The following MAP3K13 variants were observed in gnomAD, a reference collection of about 807,000 sequenced individuals.
MAP3K13 encodes leucine zipper-bearing kinase.
In MAP3K13, 52 loss-of-function variants were observed where a neutral mutation model predicts 104.0. That is an observed-to-expected ratio of 0.50 (90% CI 0.40 to 0.63). The LOEUF (loss-of-function observed/expected upper bound fraction) is 0.63, where lower values mean the gene tolerates loss of function less well. Ranked by LOEUF, MAP3K13 falls within the 20% of genes least tolerant of loss-of-function variation. The pLI is 0.00. For missense variants in MAP3K13, 914 were observed against 1,218.5 expected, an observed-to-expected ratio of 0.75 and a Z score of 3.72; for synonymous variants, 394 against 442.2, an observed-to-expected ratio of 0.89 and a Z score of 1.37.
intron 11 of MAP3K13, among the ~76,000 whole-genome samples, chr3:185,474,382 GA>G (rs1407454543): frequency 6.6e-6 from 1 of 152,032 alleles, no homozygotes; most frequent in Non-Finnish European, 1.5e-5. Context: ...AAATAGTTTG[GA>G]AACTACTATG....
At chr3:185,321,625 A>G (rs1249092215) in intron 2 of MAP3K13, among the ~76,000 whole-genome samples, 1 of 152,044 alleles carries the variant, frequency 6.6e-6, no homozygotes, top group Admixed American at 6.5e-5. Flanking sequence ...TTTGTTTGAG[A>G]TGGAGTCTCA....
intron 13 of MAP3K13, among the ~76,000 whole-genome samples, chr3:185,481,564 A>C (rs1718458318): frequency 6.6e-6 from 1 of 152,128 alleles, no homozygotes; most frequent in South Asian, 2.1e-4. Context: ...ATGCCATCAT[A>C]GGACATATAG....
chr3:185,323,051 GTCTA>G lies in MAP3K13; in HGVS notation c.-86+37414_-86+37417del, dbSNP rs10575754. On this transcript the variant is annotated intron_variant, in intron 2 of 14. Transcript: ENST00000424227. ...AAAATGTTTGTTTATTGGGAAAAAA[GTCTA>G]TCTATTGTTTTAATAAACTTTTTGT... is the stretch of plus-strand genomic sequence containing the variant. Among the ~76,000 whole-genome samples the G allele has an allele frequency of 7.3e-3, 1,105 of 152,176 alleles. 7 individuals carry two copies. The highest frequency in any genetic ancestry group is 0.019 in the African/African-American group (774 of 41,516).
At chr3:185,354,610 G>GC (rs1289416027) in intron 2 of MAP3K13, among the ~76,000 whole-genome samples, 1 of 14,234 alleles carries the variant, frequency 7.0e-5, no homozygotes, top group African/African-American at 1.1e-4. Context: ...TATAAGTATG[G>GC]GGGGGGGGCA....
intron 3 of MAP3K13, among the ~76,000 whole-genome samples, chr3:185,441,401 T>C (rs963014918): frequency 5.9e-5 from 9 of 152,046 alleles, no homozygotes; most frequent in Non-Finnish European, 1.0e-4. Flanking sequence ...CTCTAGGCGT[T>C]GAGGTAGAGA....
At chr3:185,469,026 A>T (rs1009045609) in intron 10 of MAP3K13, among the ~76,000 whole-genome samples, 3 of 152,216 alleles carry the variant, frequency 2.0e-5, no homozygotes, top group Non-Finnish European at 1.5e-5. Flanking sequence ...TTAGTCAATG[A>T]GCTAGCTGAA....
intron 11 of MAP3K13, among the ~76,000 whole-genome samples, chr3:185,474,800 T>G (rs1718015616): frequency 6.6e-6 from 1 of 152,108 alleles, no homozygotes; most frequent in Non-Finnish European, 1.5e-5. Flanking sequence ...GACCTTACTT[T>G]AAAGCCAGGC....
chr3:185,371,454 A>T (rs945975819), intron 1 of MAP3K13, among the ~76,000 whole-genome samples: 3 of 152,260 alleles, frequency 2.0e-5, no homozygotes, highest in African/African-American at 7.2e-5. Context: ...AAAAATTTTC[A>T]GGAAAAACAA....
At position 185,417,842 on chromosome 3, in the gene MAP3K13, C is replaced by T. The variant is rs1465433303; in HGVS notation, c.-85-10655C>T. 18 of 1,608,146 alleles carry T rather than the reference C, an allele frequency of 1.1e-5. No individual in the cohort carries two copies. In the African/African-American group the frequency reaches 2.3e-4, roughly 20 times the overall value. On this transcript the variant is annotated intron_variant, in intron 1 of 13. Coordinates refer to ENST00000265026, the MANE Select transcript of MAP3K13 (RefSeq NM_004721.5). ...TTTTTCAGTGGGTTCTTCTTTAGGA[C>T]TCTGCGATGAATCTTCTTGCGTGGT...
chr3:185,377,696 C>T (rs979793358), intron 1 of MAP3K13, among the ~76,000 whole-genome samples: 3 of 152,132 alleles, frequency 2.0e-5, no homozygotes, highest in African/African-American at 7.2e-5. Flanking sequence ...GAGTAGGTAG[C>T]CTCCGTATTG....
At chr3:185,448,388 A>T (rs1715706828) in intron 5 of MAP3K13, among the ~76,000 whole-genome samples, 1 of 152,168 alleles carries the variant, frequency 6.6e-6, no homozygotes, top group Admixed American at 6.5e-5. Context: ...CATGTTTGAG[A>T]TGTAGGAGGT....
Position 185,330,046 on chromosome 3 carries a change from ATTTTTTTTTTTTT to A in MAP3K13, c.-86+44427_-86+44439del, listed in dbSNP as rs548813356. The stretch of plus-strand genomic sequence containing the variant: ...AGGCGCCCGCCACCATGCCTGGCTA[ATTTTTTTTTTTTT>A]TTTTTTTTTTTTTTTTTTTTTTTAG... On this transcript the variant is annotated intron_variant, in intron 2 of 14. Coordinates refer to the MAP3K13 transcript ENST00000424227. 4.3e-3 allele frequency among the ~76,000 whole-genome samples: 422 copies of A among 98,274 alleles called. 21 individuals carry two copies. The highest frequency in any genetic ancestry group is 0.025 in the East Asian group (80 of 3,230). The allele number at this position is 98,274 out of a possible 152,430, so 64.5% of individuals were successfully genotyped here. A position where few individuals can be genotyped will look rare whatever the true frequency, so the allele number is the denominator to read the frequency against.
chr3:185,455,048 G>C (rs1227137567), intron 7 of MAP3K13, among the ~76,000 whole-genome samples: 6 of 87,172 alleles, frequency 6.9e-5, no homozygotes, highest in African/African-American at 2.1e-4. Flanking sequence ...ATATATATAT[G>C]AGATATATGT....
At chr3:185,447,368 G>A (rs1715646281) in intron 4 of MAP3K13, among the ~76,000 whole-genome samples, 1 of 151,652 alleles carries the variant, frequency 6.6e-6, no homozygotes, top group African/African-American at 2.4e-5. Context: ...GCAGGTGCCT[G>A]TAATTGCAGC....
rs185398541 is a variant in MAP3K13, at chr3:185,465,787, G to C, written c.1429G>C (p.Glu477Gln). 1.6e-5 allele frequency: 26 copies of C among 1,614,116 alleles called. No individual in the cohort carries two copies. In the Admixed American group the frequency reaches 3.7e-4, roughly 23 times the overall value. Residue 477 changes from glutamate to glutamine, a missense_variant, in exon 9 of 14, where the codon GAG becomes CAG. This residue lies in a region of MAP3K13 where 583 missense variants were observed against 737.4 expected (regional missense o/e 0.79). Transcript: ENST00000265026. Reference protein sequence around the residue: ...DIREHYERKLERANNLYMELS... With the variant: ...DIREHYERKLQRANNLYMELS... ...TCGTGAACACTATGAGCGGAAGCTTGAGCGGGCGAATAATTTATACATGGA... is the reference window on the plus strand; with the variant it reads ...TCGTGAACACTATGAGCGGAAGCTTCAGCGGGCGAATAATTTATACATGGA...
At chr3:185,437,757 T>C (rs1396675071) in intron 3 of MAP3K13, 127 bp downstream of exon 3, 1 of 859,926 alleles carries the variant, frequency 1.2e-6, no homozygotes, top group East Asian at 2.7e-5. Context: ...CTAGGTGCTT[T>C]GGGAGGGTAT....
At chr3:185,332,852 G>T (rs1229845041) in intron 2 of MAP3K13, among the ~76,000 whole-genome samples, 1 of 152,200 alleles carries the variant, frequency 6.6e-6, no homozygotes, top group African/African-American at 2.4e-5. Context: ...CTGTGAACAT[G>T]GATGTGCAGA....
At chr3:185,313,322 T>A (rs887303253) in intron 2 of MAP3K13, among the ~76,000 whole-genome samples, 1 of 145,984 alleles carries the variant, frequency 6.9e-6, no homozygotes, top group South Asian at 2.2e-4. Context: ...CAGGCTGGAG[T>A]GCAGTGGCGT....
At chr3:185,461,331 T>A (rs1717085273) in intron 7 of MAP3K13, among the ~76,000 whole-genome samples, 1 of 152,190 alleles carries the variant, frequency 6.6e-6, no homozygotes, top group African/African-American at 2.4e-5. Context: ...GAAACTTCTC[T>A]CCAGTGTTCA....
Sources: gnomAD v4.1 joint callset for allele counts (sites outside exome capture counted in the v4.1 genomes callset) on GRCh38, gnomAD v4.1.1 for gene constraint, gnomAD v4.1.1 regional missense constraint, MANE v1.5 for transcripts, NCBI Gene and HGNC (gene_info 2026-07-23, HGNC 2026-07-21) for gene names.